The following STXBP5 variants were observed in gnomAD, a reference collection of about 807,000 sequenced individuals.
STXBP5 encodes syntaxin-binding protein 5.
A neutral mutation model predicts 152.4 loss-of-function variants in STXBP5; 50 were observed. The ratio of observed to expected loss-of-function variants is 0.33; its 90% CI spans 0.26 to 0.42. STXBP5 has a LOEUF of 0.42. Among genes scored for constraint, STXBP5 ranks in the 10% least tolerant of loss-of-function variants. The pLI, the probability that STXBP5 is intolerant of heterozygous loss-of-function variation, is 1.00. For missense variants in STXBP5, 1,167 were observed against 1,388.6 expected, an observed-to-expected ratio of 0.84 and a Z score of 2.54; for synonymous variants, 492 against 494.7, an observed-to-expected ratio of 0.99 and a Z score of 0.07.
At chr6:147,358,387 C>A (rs1784904493) in intron 22 of STXBP5, among the ~76,000 whole-genome samples, 1 of 152,152 alleles carries the variant, frequency 6.6e-6, no homozygotes, top group African/African-American at 2.4e-5. Flanking sequence ...AAGGGCTAAG[C>A]AGCCAGGACC....
intron 2 of STXBP5, among the ~76,000 whole-genome samples, chr6:147,233,518 TA>T (rs900119535): frequency 2.0e-5 from 3 of 151,738 alleles, no homozygotes; most frequent in Admixed American, 6.6e-5. Flanking sequence ...GTAACTCACT[TA>T]AAAAAATCAA....
intron 1 of STXBP5, 91 bp from the exon 2 acceptor site, chr6:147,205,880 G>C (rs1404823873): frequency 3.3e-6 from 3 of 910,250 alleles, no homozygotes; most frequent in Non-Finnish European, 5.4e-6. Flanking sequence ...ATCAGTGGTA[G>C]TGGTTCTAAA....
intron 8 of STXBP5, among the ~76,000 whole-genome samples, chr6:147,287,857 T>C (rs898737353): frequency 3.3e-5 from 5 of 152,148 alleles, no homozygotes; most frequent in African/African-American, 1.2e-4. Flanking sequence ...CAAACCATTT[T>C]TCAAAAAAAG....
chr6:147,244,636 G>A (rs915757088), intron 4 of STXBP5, among the ~76,000 whole-genome samples: 1 of 152,138 alleles, frequency 6.6e-6, no homozygotes, highest in Non-Finnish European at 1.5e-5. Context: ...AGCGTCAATA[G>A]CATTTAGAAT....
At chr6:147,230,709 G>A (rs187789856) in intron 2 of STXBP5, among the ~76,000 whole-genome samples, 118 of 151,574 alleles carry the variant, frequency 7.8e-4, no homozygotes, top group Non-Finnish European at 1.5e-3. Flanking sequence ...ATGCTATAAG[G>A]GTTGGTAATT....
intron 26 of STXBP5, among the ~76,000 whole-genome samples, chr6:147,379,654 G>A (rs1043935931): frequency 3.9e-5 from 6 of 152,060 alleles, no homozygotes; most frequent in Admixed American, 1.3e-4. Context: ...GGGAAATTAG[G>A]CAAGAAAAGC....
chr6:147,340,059 T>G (rs983481551), intron 21 of STXBP5, among the ~76,000 whole-genome samples: 67 of 152,178 alleles, frequency 4.4e-4, no homozygotes, highest in African/African-American at 1.6e-3. Context: ...CCAAAGATTT[T>G]TAAAGTCTTG....
chr6:147,235,384 T>A (rs1425198484), intron 3 of STXBP5, 53 bp downstream of exon 3: 4 of 1,421,970 alleles, frequency 2.8e-6, no homozygotes, highest in South Asian at 1.2e-5. Context: ...GGGCCACTTC[T>A]AGTCTTTCAG....
At chr6:147,360,859 C>T (rs1785033480) in intron 23 of STXBP5, among the ~76,000 whole-genome samples, 1 of 152,126 alleles carries the variant, frequency 6.6e-6, no homozygotes, top group African/African-American at 2.4e-5. Flanking sequence ...TAGAAACAAC[C>T]ATGATTTTGC....
chr6:147,314,235 T>G, intron 12 of STXBP5, 29 bp from the exon 13 acceptor site: 1 of 1,574,462 alleles, frequency 6.4e-7, no homozygotes, highest in Admixed American at 1.7e-5. Context: ...TGCTTGCAAG[T>G]TGCTTTATAC....
At chr6:147,229,641 G>A (rs1473253501) in intron 2 of STXBP5, among the ~76,000 whole-genome samples, 1 of 151,702 alleles carries the variant, frequency 6.6e-6, no homozygotes, top group Admixed American at 6.6e-5. Flanking sequence ...TATTGTAAGT[G>A]GAATTATTTT....
intron 16 of STXBP5, among the ~76,000 whole-genome samples, chr6:147,318,062 TA>T (rs149441225): frequency 0.035 from 5,380 of 152,350 alleles, 144 homozygotes; most frequent in Admixed American, 0.054. Flanking sequence ...TAGAATGATT[TA>T]TTTAATTTGT....
At chr6:147,292,031 A>G (rs900787409) in intron 9 of STXBP5, among the ~76,000 whole-genome samples, 2 of 152,132 alleles carry the variant, frequency 1.3e-5, no homozygotes, top group African/African-American at 4.8e-5. Context: ...GGGACCCAGC[A>G]ATCTGTGTTT....
In STXBP5 at chr6:147,388,537, C is replaced by G. The variant is rs1436331788; in HGVS notation, c.*3782C>G. On this transcript the variant is annotated 3_prime_UTR_variant, in exon 28 of 28. Transcript: ENST00000321680. ...AGTACTTAAAAAGTATGTATATTATCCATACAAAAAGTTATGTTTTACGCT... is the reference window on the plus strand; with the variant it reads ...AGTACTTAAAAAGTATGTATATTATGCATACAAAAAGTTATGTTTTACGCT... 1 of 151,238 alleles carries G rather than the reference C, an allele frequency of 6.6e-6. No individual in the cohort carries two copies. Among genetic ancestry groups the G allele is most frequent in the Non-Finnish European group, 1.5e-5 (1 of 67,580 alleles). 9.4% of individuals were successfully genotyped at this position (151,238 alleles called of 1,614,324 possible).
chr6:147,252,600 T>C (rs942789384), intron 4 of STXBP5, among the ~76,000 whole-genome samples: 3 of 152,156 alleles, frequency 2.0e-5, no homozygotes, highest in Non-Finnish European at 4.4e-5. Context: ...CTATGTTTGA[T>C]TGGTGTACCT....
intron 18 of STXBP5, among the ~76,000 whole-genome samples, chr6:147,328,226 G>T (rs1237691379): frequency 2.0e-5 from 3 of 152,104 alleles, no homozygotes; most frequent in Non-Finnish European, 4.4e-5. Flanking sequence ...GGCACACAGG[G>T]TACACTAATG....
intron 21 of STXBP5, among the ~76,000 whole-genome samples, chr6:147,349,328 A>G (rs990757314): frequency 6.6e-6 from 1 of 152,112 alleles, no homozygotes; most frequent in Non-Finnish European, 1.5e-5. Context: ...TATTCCCGGA[A>G]ATGGGACAGG....
At chr6:147,215,421 G>A (rs748610062) in intron 2 of STXBP5, among the ~76,000 whole-genome samples, 26 of 151,946 alleles carry the variant, frequency 1.7e-4, no homozygotes, top group Non-Finnish European at 7.4e-5. Flanking sequence ...TGGCTCTGTC[G>A]CCCAGGTGGA....
intron 4 of STXBP5, among the ~76,000 whole-genome samples, chr6:147,246,984 C>T (rs1778841431): frequency 6.6e-6 from 1 of 152,154 alleles, no homozygotes; most frequent in African/African-American, 2.4e-5. Context: ...TTACATTATA[C>T]TCTTATTATT....
Sources: allele counts gnomAD v4.1 joint callset (sites outside exome capture counted in the v4.1 genomes callset), GRCh38; gene constraint gnomAD v4.1.1; transcripts MANE v1.5; gene names NCBI Gene and HGNC (gene_info 2026-07-23, HGNC 2026-07-21).